HENMT1: variants seen among roughly 807,000 people sequenced by gnomAD.
The protein encoded by HENMT1 is HEN methyltransferase 1, also known as small RNA 2'-O-methyltransferase.
Under a neutral mutation model 31.1 loss-of-function variants are expected in HENMT1, and 27 were observed. The observed-to-expected ratio is 0.87, with a 90% CI of 0.64 to 1.20. HENMT1 has a LOEUF of 1.20. Among genes scored for constraint, HENMT1 ranks in the 50% most tolerant of loss-of-function variants. The pLI is 0.00. For missense variants in HENMT1, 438 were observed against 469.6 expected (o/e 0.93, Z 0.62); for synonymous variants, 167 against 172.2 (o/e 0.97, Z 0.24).
At chr1:108,653,918 TTC>T (rs1331777084) in intron 5 of HENMT1, among the ~76,000 whole-genome samples, 5 of 152,222 alleles carry the variant, frequency 3.3e-5, no homozygotes, top group Admixed American at 6.5e-5. Flanking sequence ...ATTTGTGTAT[TTC>T]TGTTTGTAGC....
chr1:108,659,221 A>G (rs1175330950), intron 2 of HENMT1, among the ~76,000 whole-genome samples: 3 of 152,158 alleles, frequency 2.0e-5, no homozygotes. Context: ...TTCCAAACAT[A>G]CTTTTTTCCA....
rs1249117176 is a variant in HENMT1 at position 108,657,462 on chromosome 1, C to A, written c.139G>T (p.Glu47Ter). 1.9e-6 allele frequency: 3 copies of A among 1,605,786 alleles called. No individual in the cohort carries two copies. The highest frequency in any genetic ancestry group is 2.6e-6 in the Non-Finnish European group (3 of 1,173,132). The change falls in exon 3 of 8, where the codon GAG (glutamate) becomes TAG (stop). Residue 47 changes from glutamate (E) to a stop codon, truncating the protein, a stop_gained. Transcript: ENST00000651461. LOFTEE classifies it high-confidence loss of function. Reference sequence around the variant, plus strand: ...AGAGAAATACCTACCTTCTTAGGCTCATGTTGATCCACTAAATTTTTAACG... The same window carrying A: ...AGAGAAATACCTACCTTCTTAGGCTAATGTTGATCCACTAAATTTTTAACG... ...QFVKNLVDQH[E>*]PKKVADLGCG...
chr1:108,656,698 A>T (rs930395546), intron 3 of HENMT1, among the ~76,000 whole-genome samples: 2 of 152,124 alleles, frequency 1.3e-5, no homozygotes, highest in Admixed American at 6.5e-5. Context: ...GGCTGGTCTC[A>T]AGCTAGCCAC....
Position 108,657,545 on chromosome 1 carries a change from ACTT to A in HENMT1, c.53_55del (p.Glu18del). ...AAACTGAATTGCCGTCTCCCTGGGA[ACTT>A]CTTCAAAATTACCGTCAACCACACT... On this transcript the variant is annotated inframe_deletion, in exon 3 of 8. Transcript: ENST00000651461. 6.2e-7 allele frequency: 1 copy of A among 1,613,740 alleles called. No individual in the cohort carries two copies. Among genetic ancestry groups the A allele is most frequent in the East Asian group, 2.2e-5 (1 of 44,868 alleles).
At chr1:108,658,736 C>G (rs1469381874) in intron 2 of HENMT1, among the ~76,000 whole-genome samples, 1 of 152,196 alleles carries the variant, frequency 6.6e-6, no homozygotes, top group African/African-American at 2.4e-5. Flanking sequence ...TCTGATCACC[C>G]TATCTGGTCA....
intron 4 of HENMT1, 81 bp from the exon 5 acceptor site, chr1:108,654,931 A>G (rs1037152040): frequency 1.5e-6 from 2 of 1,371,104 alleles, no homozygotes; most frequent in Admixed American, 1.8e-5. Context: ...AGATCCTCTG[A>G]TAATTATCTT....
intron 5 of HENMT1, among the ~76,000 whole-genome samples, chr1:108,651,889 TA>T (rs34728420): frequency 6.6e-6 from 1 of 151,768 alleles, no homozygotes; most frequent in African/African-American, 2.4e-5. Flanking sequence ...TCAATACCTC[TA>T]AAAAAAAGTC....
chr1:108,661,118 ACGCTACCGCCGCGGCTACGCCGGCGCCCG>A, upstream of HENMT1: 3 of 510,762 alleles, frequency 5.9e-6, no homozygotes, highest in Non-Finnish European at 7.6e-6. Flanking sequence ...TCGCTGCGTG[ACGCTACCGCCGCGGCTACGCCGGCGCCCG>A]CACCCGCGCC....
chr1:108,655,001 C>G, intron 4 of HENMT1, 151 bp from the exon 5 acceptor site: 1 of 771,956 alleles, frequency 1.3e-6, no homozygotes, highest in Non-Finnish European at 2.1e-6. Flanking sequence ...ATATTAAAGA[C>G]CAGGTCATGG....
rs1658390479 is a variant in HENMT1 at position 108,659,864 on chromosome 1, C to T, written c.21G>A (p.Gln7=). The T allele has an allele frequency of 1.3e-6, 2 of 1,560,650 alleles. No homozygotes were observed. The highest frequency in any genetic ancestry group is 1.4e-5 in the African/African-American group (1 of 72,968). ...ACGCAGCTAAGAAGGGTGGCATTAC[C>T]TGTAGATTATTTTCTTCCATTTTGT... MEENNL[Q]CSSVVDGNFE... The change falls in exon 2 of 8, where the codon CAG becomes CAA. Residue 7 remains glutamine (Q), a splice_region_variant and synonymous_variant. Transcript: ENST00000651461.
At position 108,654,786 on chromosome 1, in the gene HENMT1, A is replaced by G; in HGVS notation, c.328T>C (p.Leu110=). 1 of 1,614,118 alleles carries G rather than the reference A, an allele frequency of 6.2e-7. No individual in the cohort carries two copies. The highest frequency in any genetic ancestry group is 1.1e-5 in the South Asian group (1 of 91,088). ...CTCTCCACAACGGAGCCATGATACA[A>G]TGTGATGGTCAAATTCAGATCCCGA... ...KPRDLNLTIT[L]YHGSVVERDS... is the part of the protein sequence containing the mutation. Residue 110 remains leucine, a synonymous_variant, in exon 5 of 8, where the codon TTG becomes CTG. Transcript: ENST00000651461.
intron 3 of HENMT1, among the ~76,000 whole-genome samples, chr1:108,657,024 C>T (rs147124820): frequency 6.6e-6 from 1 of 152,326 alleles, no homozygotes; most frequent in Non-Finnish European, 1.5e-5. Flanking sequence ...CTCCATAAAA[C>T]TTAGATAAGA....
At chr1:108,650,414 C>A (rs1658016110) in intron 6 of HENMT1, 26 bp from the exon 7 acceptor site, 2 of 1,593,712 alleles carry the variant, frequency 1.3e-6, no homozygotes, top group Non-Finnish European at 1.7e-6. Flanking sequence ...GGACAGCAAT[C>A]ATTTTTCTAA....
intron 1 of HENMT1, among the ~76,000 whole-genome samples, chr1:108,660,717 G>T (rs1388709379): frequency 6.6e-6 from 1 of 151,992 alleles, no homozygotes; most frequent in Non-Finnish European, 1.5e-5. Flanking sequence ...GAGGTCAGGA[G>T]ATCGAGACCA....
At chr1:108,650,475 G>A in intron 6 of HENMT1, 87 bp from the exon 7 acceptor site, 1 of 1,179,650 alleles carries the variant, frequency 8.5e-7, no homozygotes, top group East Asian at 2.4e-5. Flanking sequence ...CAGTAAAAGA[G>A]AACATGAAAA....
intron 5 of HENMT1, 127 bp from the exon 6 acceptor site, chr1:108,651,336 C>T (rs778445238): frequency 1.3e-6 from 1 of 749,450 alleles, no homozygotes; most frequent in Non-Finnish European, 2.2e-6. Context: ...TGTAATAATG[C>T]TTATATGACC....
chr1:108,661,096 G>A (rs1029051766), upstream of HENMT1: 8 of 664,970 alleles, frequency 1.2e-5, no homozygotes, highest in South Asian at 6.7e-5. Flanking sequence ...TGACGCCCGC[G>A]CACGCACGGC....
intron 7 of HENMT1, chr1:108,649,981 G>A (rs1356643173): frequency 4.8e-6 from 3 of 626,624 alleles, no homozygotes; most frequent in Non-Finnish European, 8.9e-6. Context: ...GACAACCCCA[G>A]CAGATCATTC....
chr1:108,652,579 G>A (rs1399430230), intron 5 of HENMT1, among the ~76,000 whole-genome samples: 2 of 152,034 alleles, frequency 1.3e-5, no homozygotes, highest in Non-Finnish European at 2.9e-5. Context: ...ATCTAAGTCA[G>A]TGTGTCCTAA....
Sources: allele counts gnomAD v4.1 joint callset (sites outside exome capture counted in the v4.1 genomes callset), GRCh38; gene constraint gnomAD v4.1.1; transcripts MANE v1.5; gene names NCBI Gene and HGNC (gene_info 2026-07-23, HGNC 2026-07-21).